MDM2: variants seen among roughly 807,000 people sequenced by gnomAD.
The protein encoded by MDM2 is E3 ubiquitin-protein ligase Mdm2.
In MDM2, 11 loss-of-function variants were observed where a neutral mutation model predicts 64.3. That is an observed-to-expected ratio of 0.17 (90% CI 0.11 to 0.28). The LOEUF (loss-of-function observed/expected upper bound fraction) is 0.28, where lower values mean the gene tolerates loss of function less well. Ranked by LOEUF, MDM2 falls within the 10% of genes least tolerant of loss-of-function variation. The probability of loss-of-function intolerance (pLI) is 1.00; values close to 1 mark genes in which losing one functional copy is unlikely to be tolerated. For missense variants in MDM2, 388 were observed against 577.1 expected, an observed-to-expected ratio of 0.67 and a Z score of 3.36; for synonymous variants, 194 against 192.9, an observed-to-expected ratio of 1.01 and a Z score of -0.05.
rs1883997449 is a variant in MDM2, at chr12:68,843,603, G to C, written c.*3754G>C. ...CCCATATGTGAATTGTATATACTTA[G>C]GTGAAGACAATAAAATCAACTGAAC... On this transcript the variant is annotated 3_prime_UTR_variant, in exon 11 of 11. Coordinates refer to ENST00000258149, the MANE Select transcript of MDM2 (RefSeq NM_002392.6). 4.4e-6 allele frequency: 1 copy of C among 227,088 alleles called. No individual in the cohort carries two copies. Among genetic ancestry groups the C allele is most frequent in the African/African-American group, 2.2e-5 (1 of 44,946 alleles). 14.1% of individuals were successfully genotyped at this position (227,088 alleles called of 1,614,324 possible). A position where few individuals can be genotyped will look rare whatever the true frequency, so the allele number is the denominator to read the frequency against.
At chr12:68,823,194 A>G (rs1159532808) in intron 5 of MDM2, among the ~76,000 whole-genome samples, 3 of 152,246 alleles carry the variant, frequency 2.0e-5, no homozygotes, top group Non-Finnish European at 4.4e-5. Context: ...ATGATAATGC[A>G]TAATTTCAAA....
At chr12:68,830,920 T>C (rs1317417824) in intron 8 of MDM2, among the ~76,000 whole-genome samples, 1 of 152,152 alleles carries the variant, frequency 6.6e-6, no homozygotes, top group Non-Finnish European at 1.5e-5. Context: ...AGGCTGGTCT[T>C]GAGCTCCTGA....
chr12:68,812,412 G>T (rs2136111855), intron 2 of MDM2, among the ~76,000 whole-genome samples: 1 of 152,332 alleles, frequency 6.6e-6, no homozygotes, highest in African/African-American at 2.4e-5. Context: ...GTACCAGTTT[G>T]TGTGGTAGTG....
rs1410974424 is a variant in MDM2, at chr12:68,845,386, A to G, written c.*5537A>G. On this transcript the variant is annotated 3_prime_UTR_variant, in exon 11 of 11. Transcript: ENST00000258149. ...AAGGTGTTCAGAAGTAACAAATTAT[A>G]AAATGAGCTAACAAACGAAAGGCAA... is the stretch of plus-strand genomic sequence containing the variant. 1.9e-5 allele frequency: 4 copies of G among 210,306 alleles called. No homozygotes were observed. Among genetic ancestry groups the G allele is most frequent in the Middle Eastern group, 3.0e-3 (2 of 664 alleles). 13.0% of individuals were successfully genotyped at this position (210,306 alleles called of 1,614,324 possible). A position where few individuals can be genotyped will look rare whatever the true frequency, so the allele number is the denominator to read the frequency against.
At chr12:68,819,220 T>A (rs1881646967) in intron 4 of MDM2, among the ~76,000 whole-genome samples, 1 of 152,246 alleles carries the variant, frequency 6.6e-6, no homozygotes, top group South Asian at 2.1e-4. Flanking sequence ...ATATTTCCTC[T>A]TAATATTGAG....
chr12:68,831,480 T>G (rs1882792104), intron 8 of MDM2, among the ~76,000 whole-genome samples: 1 of 152,042 alleles, frequency 6.6e-6, no homozygotes. Flanking sequence ...CGGGGTTATG[T>G]GGGGGCGGCC....
At chr12:68,808,624 G>A (rs1343047030) in intron 1 of MDM2, 133 bp downstream of exon 1, 2 of 1,310,158 alleles carry the variant, frequency 1.5e-6, no homozygotes, top group Admixed American at 4.4e-5. Context: ...CGCGGGGCGC[G>A]GGGCATGGGG....
chr12:68,824,322 C>G (rs374258492), intron 5 of MDM2, 41 bp from the exon 6 acceptor site: 5 of 1,531,458 alleles, frequency 3.3e-6, no homozygotes, highest in Non-Finnish European at 4.5e-6. Flanking sequence ...CGCCGCCCCC[C>G]GCCCACCACC....
chr12:68,824,675 G>T (rs538730784), intron 7 of MDM2, 24 bp downstream of exon 7: 2 of 1,376,196 alleles, frequency 1.5e-6, no homozygotes, highest in African/African-American at 1.4e-5. Flanking sequence ...TTTATTTGAC[G>T]CATTCACACA....
chr12:68,818,408 G>A (rs1269889775), intron 4 of MDM2, among the ~76,000 whole-genome samples: 2 of 151,332 alleles, frequency 1.3e-5, no homozygotes, highest in African/African-American at 2.4e-5. Flanking sequence ...GGAAAAAAAA[G>A]GACTGTAGTT....
chr12:68,843,020 G>A lies in MDM2; in HGVS notation c.*3171G>A, dbSNP rs1217367508. 1 of 213,698 alleles carries A rather than the reference G, an allele frequency of 4.7e-6. No homozygotes were observed. Among genetic ancestry groups the A allele is most frequent in the Non-Finnish European group, 9.4e-6 (1 of 106,158 alleles). The allele number at this position is 213,698 out of a possible 1,614,324, so 13.2% of individuals were successfully genotyped here. On this transcript the variant is annotated 3_prime_UTR_variant, in exon 11 of 11. Coordinates refer to ENST00000258149, the MANE Select transcript of MDM2 (RefSeq NM_002392.6). ...TAACTTGTCATTCCTGGTAGAACAA[G>A]CTTTATTTTTCGAGCCTAGCAATGA...
At chr12:68,824,093 A>G in intron 5 of MDM2, 1 of 407,920 alleles carries the variant, frequency 2.5e-6, no homozygotes, top group Non-Finnish European at 4.3e-6. Flanking sequence ...TGTCCCTACC[A>G]AAATAATGAC....
chr12:68,842,509 AATC>A lies in MDM2; in HGVS notation c.*2664_*2666del, dbSNP rs1456523510. ...TCACTCCGATGAAAGGTGATTACAA[AATC>A]ATCTACATTGCTGTCTACAAAACAG... is the stretch of plus-strand genomic sequence containing the variant. On this transcript the variant is annotated 3_prime_UTR_variant, in exon 11 of 11. Transcript: ENST00000258149. The A allele has an allele frequency of 5.2e-6, 2 of 383,054 alleles. No homozygotes were observed. The highest frequency in any genetic ancestry group is 4.3e-5 in the African/African-American group (2 of 46,722). 23.7% of individuals were successfully genotyped at this position (383,054 alleles called of 1,614,324 possible).
Position 68,808,262 on chromosome 12 carries a change from G to T in MDM2, c.-216G>T. On this transcript the variant is annotated 5_prime_UTR_variant, in exon 1 of 11. It introduces an in-frame stop codon into an upstream open reading frame of the 5' UTR. Transcript: ENST00000258149. Reference sequence around the variant, plus strand: ...TGTCGGAAAGATGGAGCAAGAAGCCGAGCCCGAGGGGCGGCCGCGACCCCT... The same window carrying T: ...TGTCGGAAAGATGGAGCAAGAAGCCTAGCCCGAGGGGCGGCCGCGACCCCT... 3 of 602,872 alleles carry T rather than the reference G, an allele frequency of 5.0e-6. No homozygotes were observed. Among genetic ancestry groups the T allele is most frequent in the Non-Finnish European group, 8.8e-6 (3 of 342,712 alleles). 37.3% of individuals were successfully genotyped at this position (602,872 alleles called of 1,614,324 possible). A position where few individuals can be genotyped will look rare whatever the true frequency, so the allele number is the denominator to read the frequency against.
chr12:68,832,668 A>G (rs1339372946), intron 8 of MDM2, among the ~76,000 whole-genome samples: 1 of 146,824 alleles, frequency 6.8e-6, no homozygotes, highest in Non-Finnish European at 1.5e-5. Flanking sequence ...GTGCACCACC[A>G]CACCTGGCTA....
intron 10 of MDM2, among the ~76,000 whole-genome samples, chr12:68,838,647 T>TGG (rs1883495662): frequency 6.6e-6 from 1 of 152,154 alleles, no homozygotes; most frequent in South Asian, 2.1e-4. Flanking sequence ...TCTAGATTGA[T>TGG]GGGATGGACT....
intron 5 of MDM2, among the ~76,000 whole-genome samples, chr12:68,822,513 G>T (rs1393305052): frequency 6.6e-6 from 1 of 151,890 alleles, no homozygotes; most frequent in African/African-American, 2.4e-5. Flanking sequence ...TTAAGAAATT[G>T]TGTGATAGCT....
chr12:68,820,297 T>G, intron 4 of MDM2, 28 bp from the exon 5 acceptor site: 1 of 1,498,348 alleles, frequency 6.7e-7, no homozygotes, highest in Non-Finnish European at 9.2e-7. Flanking sequence ...GTACATCTCT[T>G]GTTATTTTTT....
At chr12:68,822,805 A>T (rs1881975872) in intron 5 of MDM2, among the ~76,000 whole-genome samples, 1 of 150,410 alleles carries the variant, frequency 6.6e-6, no homozygotes, top group Admixed American at 6.6e-5. Flanking sequence ...CAGTGGTGCG[A>T]TCTCGGATCA....
Sources: allele counts gnomAD v4.1 joint callset (sites outside exome capture counted in the v4.1 genomes callset), GRCh38; gene constraint gnomAD v4.1.1; transcripts MANE v1.5; gene names NCBI Gene and HGNC (gene_info 2026-07-23, HGNC 2026-07-21).